The following ATAD2B variants were observed in gnomAD, a reference collection of about 807,000 sequenced individuals.
ATAD2B encodes the protein ATPase family AAA domain containing 2B.
Under a neutral mutation model 167.6 loss-of-function variants are expected in ATAD2B, and 40 were observed. The observed-to-expected ratio is 0.24, with a 90% CI of 0.19 to 0.31. The LOEUF (loss-of-function observed/expected upper bound fraction) is 0.31, where lower values mean the gene tolerates loss of function less well. Ranked by LOEUF, ATAD2B falls within the 10% of genes least tolerant of loss-of-function variation. The pLI, the probability that ATAD2B is intolerant of heterozygous loss-of-function variation, is 1.00. For missense variants in ATAD2B, 1,242 were observed against 1,757.2 expected, an observed-to-expected ratio of 0.71 and a Z score of 5.24; for synonymous variants, 579 against 596.5, an observed-to-expected ratio of 0.97 and a Z score of 0.43.
At chr2:23,746,765 G>A (rs962343225), downstream of ATAD2B, among the ~76,000 whole-genome samples, 2 of 152,126 alleles carry the variant, frequency 1.3e-5, no homozygotes, top group African/African-American at 4.8e-5. Context: ...GGGAATATAA[G>A]GGAAGCAAGA....
intron 18 of ATAD2B, among the ~76,000 whole-genome samples, chr2:23,799,569 T>TGA (rs1683142483): frequency 2.3e-5 from 1 of 44,326 alleles, no homozygotes; most frequent in African/African-American, 7.4e-5. Flanking sequence ...AGACTCCATC[T>TGA]CAAAAAAAAA....
At chr2:23,887,029 G>A (rs1698775647) in intron 4 of ATAD2B, among the ~76,000 whole-genome samples, 1 of 152,046 alleles carries the variant, frequency 6.6e-6, no homozygotes, top group Non-Finnish European at 1.5e-5. Context: ...TGTAATCCCA[G>A]CACTTTGGGA....
chr2:23,732,191 G>T, the ATAD2B span, among the ~76,000 whole-genome samples: 1 of 151,968 alleles, frequency 6.6e-6, no homozygotes, highest in Non-Finnish European at 1.5e-5. Flanking sequence ...CTCACCATAG[G>T]GATTCAATTG....
intron 14 of ATAD2B, among the ~76,000 whole-genome samples, chr2:23,831,629 TCC>T (rs1689089324): frequency 6.6e-6 from 1 of 152,068 alleles, no homozygotes; most frequent in African/African-American, 2.4e-5. Flanking sequence ...GAAAAAAACT[TCC>T]CCAGACTCCC....
intron 22 of ATAD2B, among the ~76,000 whole-genome samples, chr2:23,766,014 CA>C (rs34208164): frequency 1.1e-4 from 16 of 152,022 alleles, no homozygotes; most frequent in Admixed American, 7.9e-4. Flanking sequence ...ATTAGGAATT[CA>C]AAAAAATCTT....
intron 1 of ATAD2B, among the ~76,000 whole-genome samples, chr2:23,918,866 C>T (rs141262449): frequency 6.6e-6 from 1 of 152,334 alleles, no homozygotes; most frequent in East Asian, 1.9e-4. Context: ...GGCCACTTAA[C>T]CTCTAAGGCA....
chr2:23,711,833 G>A, the ATAD2B span, among the ~76,000 whole-genome samples: 1 of 152,150 alleles, frequency 6.6e-6, no homozygotes, highest in Non-Finnish European at 1.5e-5. Flanking sequence ...TCTGGAATGG[G>A]TTATTAAGAT....
chr2:23,903,237 A>AAAATAAAT (rs3029919), intron 1 of ATAD2B, among the ~76,000 whole-genome samples: 29,324 of 145,454 alleles, frequency 0.2, 3,734 homozygotes, highest in Non-Finnish European at 0.3. Context: ...CTGTGTCTCA[A>AAAATAAAT]AAATAAATAA....
At chr2:23,757,046 C>A (rs1676033264) in intron 25 of ATAD2B, among the ~76,000 whole-genome samples, 1 of 152,164 alleles carries the variant, frequency 6.6e-6, no homozygotes, top group Non-Finnish European at 1.5e-5. Flanking sequence ...TCTGCCCACA[C>A]CCAGCCCATG....
intron 7 of ATAD2B, among the ~76,000 whole-genome samples, chr2:23,879,339 C>T: frequency 6.6e-6 from 1 of 151,938 alleles, no homozygotes; most frequent in South Asian, 2.1e-4. Flanking sequence ...CAGCTGGATG[C>T]AGAGGTTCAA....
chr2:23,717,338 T>C, the ATAD2B span, among the ~76,000 whole-genome samples: 7 of 152,002 alleles, frequency 4.6e-5, no homozygotes, highest in African/African-American at 1.7e-4. Context: ...CTCGGGGTAG[T>C]GCAAGGGTTC....
At chr2:23,898,372 G>C (rs1403737859) in intron 1 of ATAD2B, among the ~76,000 whole-genome samples, 1 of 152,164 alleles carries the variant, frequency 6.6e-6, no homozygotes, top group Admixed American at 6.5e-5. Context: ...CCTTTATACT[G>C]ACTCCAGGTT....
At chr2:23,896,647 A>G (rs190281174) in intron 1 of ATAD2B, among the ~76,000 whole-genome samples, 6 of 152,280 alleles carry the variant, frequency 3.9e-5, no homozygotes, top group Non-Finnish European at 7.4e-5. Flanking sequence ...CAACCCCCCA[A>G]TCAGGAAATG....
In ATAD2B at chr2:23,757,899, T is replaced by G. The variant is rs1318069183; in HGVS notation, c.3597A>C (p.Gly1199=). Residue 1199 remains glycine (G), a synonymous_variant, in exon 25 of 28, where the codon GGA becomes GGC. Transcript: ENST00000238789. ...DCHEENGEET[G]DLSMTNDESS... ...ATTCATCATTGGTCATAGATAAGTC[T>G]CCAGTCTCTTCTCCATTTTCCTCAT... 1 of 1,603,770 alleles carries G rather than the reference T, an allele frequency of 6.2e-7. No individual in the cohort carries two copies. The highest frequency in any genetic ancestry group is 1.4e-5 in the African/African-American group (1 of 73,960).
the ATAD2B span, chr2:23,696,457 G>A: frequency 2.6e-6 from 4 of 1,550,370 alleles, no homozygotes; most frequent in South Asian, 4.8e-5. This position sits in a 1 kb window ranked among gnomAD's most constrained non-coding sequence, Gnocchi z 5.5. Context: ...TCTACGATGG[G>A]AAGATTTACA....
chr2:23,707,000 C>G, the ATAD2B span: 3 of 207,684 alleles, frequency 1.4e-5, no homozygotes, highest in East Asian at 1.2e-4. Context: ...GCAGAGCAAG[C>G]TTGATCCCTA....
At chr2:23,713,637 G>A in the ATAD2B span, among the ~76,000 whole-genome samples, 4 of 152,026 alleles carry the variant, frequency 2.6e-5, 1 homozygote, top group East Asian at 1.9e-4. Flanking sequence ...TGCCTATTGC[G>A]AACGTTTCAT....
rs547923065 is a variant in ATAD2B at position 23,845,720 on chromosome 2, C to T, written c.1569-11642G>A. Among the ~76,000 whole-genome samples the T allele has an allele frequency of 5.9e-5, 9 of 151,974 alleles. No individual in the cohort carries two copies. The East Asian group carries it at 1.7e-3, about 29-fold the overall frequency. ...TCAACCTCCCGAGTAGCTGAGACCACAGGCATGCACCACTACACCCAGCTA... is the reference window on the plus strand; with the variant it reads ...TCAACCTCCCGAGTAGCTGAGACCATAGGCATGCACCACTACACCCAGCTA... On this transcript the variant is annotated intron_variant, in intron 13 of 27. Coordinates refer to ENST00000238789, the MANE Select transcript of ATAD2B (RefSeq NM_017552.4).
intron 27 of ATAD2B, among the ~76,000 whole-genome samples, chr2:23,752,655 C>A (rs948326201): frequency 6.6e-6 from 1 of 152,030 alleles, no homozygotes. Context: ...TGAATACAGG[C>A]AGCCTCACTC....
Sources: allele counts gnomAD v4.1 joint callset (sites outside exome capture counted in the v4.1 genomes callset), GRCh38; gene constraint gnomAD v4.1.1; non-coding constraint Gnocchi (gnomAD v3.1); transcripts MANE v1.5; gene names NCBI Gene and HGNC (gene_info 2026-07-23, HGNC 2026-07-21).